Variants in ZNF681 observed in about 807,000 individuals in gnomAD.
The protein encoded by ZNF681 is zinc finger protein 681.
In ZNF681, 37 loss-of-function variants were observed where a neutral mutation model predicts 56.0. That is an observed-to-expected ratio of 0.66 (90% confidence interval 0.51 to 0.87). ZNF681 has a LOEUF of 0.87. Among genes scored for constraint, ZNF681 ranks in the 40% least tolerant of loss-of-function variants. The probability of loss-of-function intolerance (pLI) is 0.00; values close to 1 mark genes in which losing one functional copy is unlikely to be tolerated. For missense variants in ZNF681, 741 were observed against 744.9 expected (o/e 0.99, Z 0.06); for synonymous variants, 225 against 248.6 (o/e 0.91, Z 0.89).
chr19:23,744,290 T>C lies in ZNF681; in HGVS notation c.1260A>G (p.Lys420=), dbSNP rs773184518. The part of the protein sequence containing the change: ...TRHKSIHTGE[K]PYQCEKCGKA... ...TGCCACATTTTTCACACTGGTAGGG[T>C]TTTTCTCCAGTATGAATGCTCTTAT... is the stretch of plus-strand genomic sequence containing the variant. Residue 420 remains lysine, a synonymous_variant, in exon 4 of 4, where the codon AAA becomes AAG. Coordinates refer to ENST00000402377, the MANE Select transcript of ZNF681 (RefSeq NM_138286.3). 1.9e-5 allele frequency: 30 copies of C among 1,613,368 alleles called. No individual in the cohort carries two copies. Among genetic ancestry groups the C allele is most frequent in the Non-Finnish European group, 2.3e-5 (27 of 1,179,836 alleles).
At chr19:23,751,773 C>A (rs1969035715) in intron 3 of ZNF681, among the ~76,000 whole-genome samples, 2 of 152,092 alleles carry the variant, frequency 1.3e-5, no homozygotes, top group African/African-American at 4.8e-5. Flanking sequence ...GCAACCTCTG[C>A]CTCCCGGGTT....
chr19:23,739,498 G>A lies in ZNF681; in HGVS notation c.*4114C>T, dbSNP rs1413658744. On this transcript the variant is annotated 3_prime_UTR_variant, in exon 4 of 4. Transcript: ENST00000402377. Reference sequence around the variant, plus strand: ...TGTCATGTGCTCTTACCACAAAAATGTTAACTATGTTAGGTAAAGCATTAA... The same window carrying A: ...TGTCATGTGCTCTTACCACAAAAATATTAACTATGTTAGGTAAAGCATTAA... 2 of 152,278 alleles carry A rather than the reference G, an allele frequency of 1.3e-5. No homozygotes were observed. Among genetic ancestry groups the A allele is most frequent in the East Asian group, 3.9e-4 (2 of 5,182 alleles). 9.4% of individuals were successfully genotyped at this position (152,278 alleles called of 1,614,324 possible).
chr19:23,745,118 A>T lies in ZNF681; in HGVS notation c.432T>A (p.Cys144Ter), dbSNP rs1424544873. ...TATGAAAGATTTTCATATATTTATCACATTGAAATATTTTGCTCTGGGTAG... is the reference window on the plus strand; with the variant it reads ...TATGAAAGATTTTCATATATTTATCTCATTGAAATATTTTGCTCTGGGTAG... The part of the protein sequence containing the change: ...LPTTQSKIFQ[C>*]DKYMKIFHKF... The change falls in exon 4 of 4, where the codon TGT becomes TGA. Residue 144 changes from cysteine (C) to a stop codon, truncating the protein, a stop_gained. Coordinates refer to ENST00000402377, the MANE Select transcript of ZNF681 (RefSeq NM_138286.3). LOFTEE classifies it high-confidence loss of function. 4 of 1,610,118 alleles carry T rather than the reference A, an allele frequency of 2.5e-6. No individual in the cohort carries two copies. The highest frequency in any genetic ancestry group is 3.4e-6 in the Non-Finnish European group (4 of 1,178,322).
chr19:23,757,191 A>G (rs1426292926), intron 1 of ZNF681, among the ~76,000 whole-genome samples: 1 of 152,066 alleles, frequency 6.6e-6, no homozygotes, highest in East Asian at 1.9e-4. Flanking sequence ...TGGCTTATAA[A>G]AGTTATACAA....
At chr19:23,749,604 G>C (rs1475302443) in intron 3 of ZNF681, among the ~76,000 whole-genome samples, 1 of 149,326 alleles carries the variant, frequency 6.7e-6, no homozygotes, top group Non-Finnish European at 1.5e-5. Context: ...ACCATGCCTG[G>C]GTTAAAAAAA....
Position 23,745,085 on chromosome 19 carries a change from T to G in ZNF681, c.465A>C (p.Ser155=). The G allele has an allele frequency of 6.2e-7, 1 of 1,601,110 alleles. No homozygotes were observed. Among genetic ancestry groups the G allele is most frequent in the Non-Finnish European group, 8.5e-7 (1 of 1,173,860 alleles). Residue 155 remains serine (S), a synonymous_variant, in exon 4 of 4, where the codon TCA becomes TCC. Coordinates refer to ENST00000402377, the MANE Select transcript of ZNF681 (RefSeq NM_138286.3). ...DKYMKIFHKF[S]NLNGHKVRHT... ...GTCTTACCTTATGTCCATTTAAATT[T>G]GAAAATTTATGAAAGATTTTCATAT...
At position 23,741,268 on chromosome 19, in the gene ZNF681, G is replaced by A. The variant is rs1968870882; in HGVS notation, c.*2344C>T. 6.6e-6 allele frequency: 1 copy of A among 152,098 alleles called. No homozygotes were observed. Among genetic ancestry groups the A allele is most frequent in the South Asian group, 2.1e-4 (1 of 4,830 alleles). 9.4% of individuals were successfully genotyped at this position (152,098 alleles called of 1,614,324 possible). A position where few individuals can be genotyped will look rare whatever the true frequency, so the allele number is the denominator to read the frequency against. The stretch of plus-strand genomic sequence containing the variant: ...CAAAACTAATAGTCTGTATGTGCTT[G>A]CAGGCAGAGAGGCAACATGTTTGAA... On this transcript the variant is annotated 3_prime_UTR_variant, in exon 4 of 4. Transcript: ENST00000402377.
In ZNF681 at chr19:23,758,846, C is replaced by A. The variant is rs1969168123; in HGVS notation, c.-97G>T. The A allele has an allele frequency of 2.6e-5, 41 of 1,564,726 alleles. 1 individual carries two copies. The South Asian group carries it at 4.5e-4, about 17-fold the overall frequency. On this transcript the variant is annotated 5_prime_UTR_variant, in exon 1 of 4. Coordinates refer to ENST00000402377, the MANE Select transcript of ZNF681 (RefSeq NM_138286.3). The stretch of plus-strand genomic sequence containing the variant: ...GCTGGGCCTCTAGAAGAAGAGGACA[C>A]AGAGCAGTGAAGACGAGACCCGGAG...
At chr19:23,753,548 T>C (rs957165875) in intron 3 of ZNF681, among the ~76,000 whole-genome samples, 11 of 152,294 alleles carry the variant, frequency 7.2e-5, no homozygotes, top group Admixed American at 5.9e-4. Flanking sequence ...TGTCTATAGA[T>C]TGAAAGAATA....
chr19:23,753,230 C>CTA (rs1262789553), intron 3 of ZNF681, among the ~76,000 whole-genome samples: 2 of 152,294 alleles, frequency 1.3e-5, no homozygotes, highest in Non-Finnish European at 2.9e-5. Flanking sequence ...GAAACCCCAT[C>CTA]TATACTAAAA....
chr19:23,746,929 G>C (rs957742699), intron 3 of ZNF681, among the ~76,000 whole-genome samples: 12 of 152,082 alleles, frequency 7.9e-5, no homozygotes, highest in African/African-American at 2.9e-4. Context: ...TTTGAGACCA[G>C]CCTAGGCAAC....
intron 3 of ZNF681, among the ~76,000 whole-genome samples, chr19:23,750,212 AG>A (rs1969004422): frequency 6.9e-6 from 1 of 145,444 alleles, no homozygotes; most frequent in Non-Finnish European, 1.5e-5. Context: ...TGAACCCGGG[AG>A]GCAGAGGTTG....
Position 23,745,044 on chromosome 19 carries a change from G to T in ZNF681, c.506C>A (p.Pro169His). 1 of 1,593,228 alleles carries T rather than the reference G, an allele frequency of 6.3e-7. No homozygotes were observed. The highest frequency in any genetic ancestry group is 2.3e-5 in the East Asian group (1 of 44,288). Residue 169 changes from proline (P) to histidine (H), a missense_variant, in exon 4 of 4, where the codon CCT becomes CAT. By Grantham distance (77) the Pro-to-His change is moderately conservative (BLOSUM62 -2). Transcript: ENST00000402377. Reference protein sequence around the residue: ...GHKVRHTRKKPFKYKEFGKSF... With the variant: ...GHKVRHTRKKHFKYKEFGKSF... ...TTTGCCAAATTCTTTATATTTAAAA[G>T]GTTTTTTTCTGGTGTGTCTTACCTT...
At chr19:23,751,911 T>C (rs958861701) in intron 3 of ZNF681, among the ~76,000 whole-genome samples, 1 of 152,092 alleles carries the variant, frequency 6.6e-6, no homozygotes, top group African/African-American at 2.4e-5. Flanking sequence ...ATGGTCTCGA[T>C]CTCCTGACCT....
chr19:23,744,678 A>T lies in ZNF681; in HGVS notation c.872T>A (p.Phe291Tyr). 1 of 1,596,174 alleles carries T rather than the reference A, an allele frequency of 6.3e-7. No individual in the cohort carries two copies. Among genetic ancestry groups the T allele is most frequent in the Non-Finnish European group, 8.6e-7 (1 of 1,167,438 alleles). Residue 291 changes from phenylalanine to tyrosine, a missense_variant, in exon 4 of 4, where the codon TTT becomes TAT. By Grantham distance (22) the Phe-to-Tyr change is conservative. Transcript: ENST00000402377. ...PYKREECDKA[F>Y]NQSLTLTTHK... ...TGTAGTAAGGGTTAAGGACTGATTA[A>T]AGGCTTTGTCACATTCTTCACGTTT...
chr19:23,757,442 A>G (rs1828044578), intron 1 of ZNF681, among the ~76,000 whole-genome samples: 1 of 152,118 alleles, frequency 6.6e-6, no homozygotes, highest in Admixed American at 6.6e-5. Flanking sequence ...AGGAATGCGG[A>G]AAGAATTTAA....
In ZNF681 at chr19:23,748,139, T is replaced by G. The variant is rs573632870; in HGVS notation, c.227-2816A>C. ...AATGCATGAGCATCAAAGAAAAAAGTAACTACACTACAAAATTTCCACACA... is the reference window on the plus strand; with the variant it reads ...AATGCATGAGCATCAAAGAAAAAAGGAACTACACTACAAAATTTCCACACA... On this transcript the variant is annotated intron_variant, in intron 3 of 3. Transcript: ENST00000402377. Among the ~76,000 whole-genome samples the G allele has an allele frequency of 6.6e-5, 10 of 152,246 alleles. No individual in the cohort carries two copies. In the South Asian group the frequency reaches 2.1e-3, roughly 32 times the overall value.
intron 3 of ZNF681, among the ~76,000 whole-genome samples, chr19:23,748,990 A>T (rs1419557896): frequency 6.6e-6 from 1 of 152,222 alleles, no homozygotes; most frequent in African/African-American, 2.4e-5. Flanking sequence ...CAATAATTCA[A>T]TTTGTAAATC....
Position 23,744,622 on chromosome 19 carries a change from T to G in ZNF681, c.928A>C (p.Asn310His). 6.2e-7 allele frequency: 1 copy of G among 1,613,910 alleles called. No homozygotes were observed. Among genetic ancestry groups the G allele is most frequent in the Non-Finnish European group, 8.5e-7 (1 of 1,179,928 alleles). The change falls in exon 4 of 4, where the codon AAT becomes CAT. Residue 310 changes from asparagine to histidine, a missense_variant. Asn to His is a moderately conservative substitution (Grantham distance 68). Coordinates refer to ENST00000402377, the MANE Select transcript of ZNF681 (RefSeq NM_138286.3). ...HKIIHTREKL[N>H]EYKECGKAFN... is the part of the protein sequence containing the mutation. ...GCTTTGCCACATTCCTTATATTCATTGAGTTTCTCTCTGGTATGAATTATC... is the reference window on the plus strand; with the variant it reads ...GCTTTGCCACATTCCTTATATTCATGGAGTTTCTCTCTGGTATGAATTATC...
Sources: allele counts gnomAD v4.1 joint callset (sites outside exome capture counted in the v4.1 genomes callset), GRCh38; gene constraint gnomAD v4.1.1; transcripts MANE v1.5; gene names NCBI Gene and HGNC (gene_info 2026-07-23, HGNC 2026-07-21).